Variants in PWWP3B observed in about 807,000 individuals in gnomAD.
PWWP3B encodes PWWP domain-containing DNA repair factor 3B.
In PWWP3B, 5 loss-of-function variants were observed where a neutral mutation model predicts 15.7. The observed-to-expected ratio is 0.32, with a 90% CI of 0.17 to 0.67. The LOEUF is 0.67. Among genes scored for constraint, PWWP3B ranks in the 30% least tolerant of loss-of-function variants. The pLI is 0.74. For synonymous variants in PWWP3B, 203 were observed against 179.8 expected (o/e 1.13, Z -1.03); for missense variants, 519 against 493.1 (o/e 1.05, Z -0.50).
intron 2 of PWWP3B, among the ~76,000 whole-genome samples, chrX:106,186,773 G>T: frequency 9.0e-6 from 1 of 111,306 alleles, no homozygotes; most frequent in Non-Finnish European, 1.9e-5. Context: ...GCTGGCTGGG[G>T]TGGCCAGCTT....
intron 2 of PWWP3B, among the ~76,000 whole-genome samples, chrX:106,197,603 C>G (rs1486856975): frequency 8.9e-6 from 1 of 112,493 alleles, no homozygotes; most frequent in Non-Finnish European, 1.9e-5. Flanking sequence ...TGGTTAAAGA[C>G]TGTGAAAAAG....
At chrX:106,173,159 G>A (rs912164152) in intron 2 of PWWP3B, among the ~76,000 whole-genome samples, 14 of 111,578 alleles carry the variant, frequency 1.3e-4, no homozygotes, top group Admixed American at 5.7e-4. Context: ...GTGTCCGTGA[G>A]CTCTCCTTTG....
At chrX:106,192,539 C>A (rs1227865266) in intron 2 of PWWP3B, among the ~76,000 whole-genome samples, 1 of 111,125 alleles carries the variant, frequency 9.0e-6, no homozygotes, top group Non-Finnish European at 1.9e-5. Flanking sequence ...GTCTCTATTT[C>A]CTTCAGTTCT....
At chrX:106,172,933 C>A (rs1366619102) in intron 2 of PWWP3B, among the ~76,000 whole-genome samples, 2 of 112,038 alleles carry the variant, frequency 1.8e-5, no homozygotes, top group Non-Finnish European at 3.8e-5. Flanking sequence ...CATCACTAGG[C>A]AACAGGAATT....
intron 2 of PWWP3B, among the ~76,000 whole-genome samples, chrX:106,193,521 A>C (rs964901781): frequency 3.6e-5 from 4 of 111,458 alleles, no homozygotes; most frequent in Non-Finnish European, 7.5e-5. Flanking sequence ...TTTTAATTGG[A>C]GCATTTAGCC....
At position 106,171,011 on chromosome X, in the gene PWWP3B, G is replaced by A. The variant is rs1352897888; in HGVS notation, c.-528-1G>A. On this transcript the variant is annotated splice_acceptor_variant, in intron 1 of 3. Transcript: ENST00000357175. LOFTEE classifies it low-confidence loss of function (5UTR_SPLICE). ...ATTTCATTGGTTTGATTCCCTGCCA[G>A]CCGAGCCCCAGAAAGACAGGTCAAC... 1 of 110,907 alleles carries A rather than the reference G, an allele frequency of 9.0e-6. No individual in the cohort carries two copies. The highest frequency in any genetic ancestry group is 1.9e-5 in the Non-Finnish European group (1 of 53,021). 9.1% of individuals were successfully genotyped at this position (110,907 alleles called of 1,213,427 possible).
In PWWP3B at chrX:106,207,149, A is replaced by G. The variant is rs1924089006; in HGVS notation, c.1717A>G (p.Ile573Val). Residue 573 changes from isoleucine to valine, a missense_variant, in exon 4 of 4, where the codon ATT becomes GTT. Coordinates refer to ENST00000357175, the MANE Select transcript of PWWP3B (RefSeq NM_001171020.2). Reference protein sequence around the residue: ...AKGTENHLLAIVNGTKGSRWL... With the variant: ...AKGTENHLLAVVNGTKGSRWL... Reference sequence around the variant, plus strand: ...GGGAACAGAGAACCATCTTCTGGCCATTGTAAATGGCACAAAAGGATCCAG... The same window carrying G: ...GGGAACAGAGAACCATCTTCTGGCCGTTGTAAATGGCACAAAAGGATCCAG... 1.7e-6 allele frequency: 2 copies of G among 1,206,678 alleles called. No homozygotes were observed. The highest frequency in any genetic ancestry group is 2.2e-6 in the Non-Finnish European group (2 of 892,631).
intron 1 of PWWP3B, among the ~76,000 whole-genome samples, chrX:106,170,001 C>T: frequency 8.9e-6 from 1 of 111,886 alleles, no homozygotes; most frequent in Non-Finnish European, 1.9e-5. Flanking sequence ...TATATCTCCA[C>T]ACATATCTCC....
At chrX:106,172,693 G>A (rs1921685670) in intron 2 of PWWP3B, among the ~76,000 whole-genome samples, 1 of 110,571 alleles carries the variant, frequency 9.0e-6, no homozygotes, top group Non-Finnish European at 1.9e-5. Context: ...TTTACGGTTA[G>A]CATTTTTTTT....
At chrX:106,202,060 C>T (rs1288012210) in intron 2 of PWWP3B, among the ~76,000 whole-genome samples, 1 of 111,829 alleles carries the variant, frequency 8.9e-6, no homozygotes, top group African/African-American at 3.3e-5. Flanking sequence ...TATTGTTAGA[C>T]ACTCCGTTAT....
chrX:106,188,813 A>C (rs188549201), intron 2 of PWWP3B, among the ~76,000 whole-genome samples: 15 of 112,666 alleles, frequency 1.3e-4, no homozygotes, highest in African/African-American at 4.8e-4. Context: ...TATTTTTAAA[A>C]TATTCACCAA....
Position 106,205,573 on chromosome X carries a change from A to C in PWWP3B, c.141A>C (p.Lys47Asn), listed in dbSNP as rs770606343. 8.3e-7 allele frequency: 1 copy of C among 1,208,818 alleles called. No individual in the cohort carries two copies. Among genetic ancestry groups the C allele is most frequent in the African/African-American group, 1.7e-5 (1 of 57,796 alleles). The change falls in exon 4 of 4, where the codon AAA (lysine) becomes AAC (asparagine). Residue 47 changes from lysine (K) to asparagine (N), a missense_variant. Coordinates refer to ENST00000357175, the MANE Select transcript of PWWP3B (RefSeq NM_001171020.2). The part of the protein sequence containing the change: ...LEVQILSLDE[K>N]IKLDSTETKI... Reference sequence around the variant, plus strand: ...TTCAAATACTCTCACTAGATGAAAAAATTAAATTGGACAGCACAGAAACAA... The same window carrying C: ...TTCAAATACTCTCACTAGATGAAAACATTAAATTGGACAGCACAGAAACAA...
At chrX:106,191,438 G>C (rs1163011080) in intron 2 of PWWP3B, among the ~76,000 whole-genome samples, 1 of 111,433 alleles carries the variant, frequency 9.0e-6, no homozygotes, top group Non-Finnish European at 1.9e-5. Flanking sequence ...AGGAGATTTT[G>C]GGCTGAGACG....
Position 106,205,449 on chromosome X carries a change from T to C in PWWP3B, c.17T>C (p.Val6Ala). 6.0e-6 allele frequency: 7 copies of C among 1,169,645 alleles called. No individual in the cohort carries two copies. The highest frequency in any genetic ancestry group is 2.0e-5 in the South Asian group (1 of 50,119). MESEY[V>A]LCNWKDQLWP... The stretch of plus-strand genomic sequence containing the variant: ...TAAACCATAATGGAGTCTGAGTATG[T>C]CCTATGCAACTGGAAAGACCAGTTG... The change falls in exon 4 of 4, where the codon GTC becomes GCC. Residue 6 changes from valine to alanine, a missense_variant. By Grantham distance (64) the Val-to-Ala change is moderately conservative. Coordinates refer to ENST00000357175, the MANE Select transcript of PWWP3B (RefSeq NM_001171020.2).
At chrX:106,188,706 T>A (rs1922673447) in intron 2 of PWWP3B, among the ~76,000 whole-genome samples, 1 of 112,553 alleles carries the variant, frequency 8.9e-6, no homozygotes, top group Non-Finnish European at 1.9e-5. Flanking sequence ...AACCACTGAT[T>A]TGATTTCTGT....
chrX:106,180,885 G>T (rs911013983), intron 2 of PWWP3B, among the ~76,000 whole-genome samples: 2 of 111,951 alleles, frequency 1.8e-5, no homozygotes, highest in Non-Finnish European at 3.8e-5. Flanking sequence ...TTTGATATCT[G>T]GTAGCACTAG....
Position 106,205,754 on chromosome X carries a change from A to T in PWWP3B, c.322A>T (p.Thr108Ser). The T allele has an allele frequency of 8.3e-7, 1 of 1,211,621 alleles. No individual in the cohort carries two copies. Among genetic ancestry groups the T allele is most frequent in the Non-Finnish European group, 1.1e-6 (1 of 895,384 alleles). Residue 108 changes from threonine to serine, a missense_variant, in exon 4 of 4, where the codon ACT becomes TCT. Thr to Ser is a moderately conservative substitution (Grantham distance 58). Transcript: ENST00000357175. ...GAGAACAAATTTGAGTCAAGCAAGC[A>T]CTTCAGATGAAGAGGAGATCACTAT... ...NERTNLSQAS[T>S]SDEEEITMLS... is the part of the protein sequence containing the mutation.
chrX:106,178,359 G>A (rs1157577396), intron 2 of PWWP3B, among the ~76,000 whole-genome samples: 6 of 112,374 alleles, frequency 5.3e-5, no homozygotes, highest in Non-Finnish European at 7.5e-5. Context: ...GTATGAACTT[G>A]TAGTGACTTG....
In PWWP3B at chrX:106,184,858, C is replaced by T. The variant is rs761942870; in HGVS notation, c.-401+13719C>T. Among the ~76,000 whole-genome samples, 12 of 110,888 alleles carry T rather than the reference C, an allele frequency of 1.1e-4. No individual in the cohort carries two copies. The South Asian group carries it at 1.6e-3, about 15-fold the overall frequency. On this transcript the variant is annotated intron_variant, in intron 2 of 3. Transcript: ENST00000357175. ...CCCTACAGCTTGAAGGGGACATAAC[C>T]GATAGCCCAGGGGTTTTTGTGGTCC...
Sources: allele counts gnomAD v4.1 joint callset (sites outside exome capture counted in the v4.1 genomes callset), GRCh38; gene constraint gnomAD v4.1.1; transcripts MANE v1.5; gene names NCBI Gene and HGNC (gene_info 2026-07-23, HGNC 2026-07-21).